Variants in ACOT11 observed in about 807,000 individuals in gnomAD.
ACOT11 encodes acyl-coenzyme A thioesterase 11.
ACOT11 carries 69 observed loss-of-function variants against 77.5 expected under a neutral mutation model. The ratio of observed to expected loss-of-function variants is 0.89; its 90% CI spans 0.73 to 1.09. ACOT11 has a LOEUF of 1.09. Ranked by LOEUF, ACOT11 falls within the 50% of genes least tolerant of loss-of-function variation. ACOT11 has a pLI of 0.00. For missense variants in ACOT11, 766 were observed against 813.7 expected (o/e 0.94, Z 0.71); for synonymous variants, 279 against 313.0 (o/e 0.89, Z 1.15).
chr1:54,554,311 G>GTA lies in ACOT11; in HGVS notation c.33+5970_33+5971insAT, dbSNP rs1391150997. 6.1e-3 allele frequency among the ~76,000 whole-genome samples: 449 copies of GTA among 73,058 alleles called. 16 individuals are homozygous for GTA. The highest frequency in any genetic ancestry group is 8.5e-3 in the African/African-American group (176 of 20,826). 47.9% of individuals were successfully genotyped at this position (73,058 alleles called of 152,430 possible). A position where few individuals can be genotyped will look rare whatever the true frequency, so the allele number is the denominator to read the frequency against. On this transcript the variant is annotated intron_variant, in intron 1 of 15. Transcript: ENST00000343744. ...CCATAGTGTGTGTGTGTGTGTGTGT[G>GTA]TGTGTGTGTGTGTGTGTGTGTGTAT...
At chr1:54,614,964 G>GCACACGCACA, downstream of ACOT11, 1 of 1,182,530 alleles carries the variant, frequency 8.5e-7, no homozygotes, top group Non-Finnish European at 1.2e-6. Flanking sequence ...GCATGTGCGT[G>GCACACGCACA]CACAGTGGAG....
At chr1:54,549,977 CAAT>C (rs1382690515) in intron 1 of ACOT11, among the ~76,000 whole-genome samples, 1 of 152,182 alleles carries the variant, frequency 6.6e-6, no homozygotes, top group Non-Finnish European at 1.5e-5. Context: ...ACAGAGATAA[CAAT>C]AGTAACAAAT....
chr1:54,633,504 C>A (rs902006203), intron 16 of ACOT11, among the ~76,000 whole-genome samples: 8 of 152,156 alleles, frequency 5.3e-5, no homozygotes, highest in African/African-American at 1.7e-4. Context: ...ATACCTTTAG[C>A]TGAGCAAGAC....
rs1450603994 is a variant in ACOT11 at position 54,584,940 on chromosome 1, GT to G, written c.241+79del. The G allele has an allele frequency of 1.4e-6, 2 of 1,433,734 alleles. No individual in the cohort carries two copies. The highest frequency in any genetic ancestry group is 1.9e-6 in the Non-Finnish European group (2 of 1,059,076). 88.8% of individuals were successfully genotyped at this position (1,433,734 alleles called of 1,614,324 possible). A position where few individuals can be genotyped will look rare whatever the true frequency, so the allele number is the denominator to read the frequency against. On this transcript the variant is annotated intron_variant, in intron 2 of 15. Transcript: ENST00000343744. This position sits in a 1 kb window ranked among gnomAD's most constrained non-coding sequence, Gnocchi z 6.3. ...GGCCGTGCTTTCAGAGATGGTCACC[GT>G]CCACCCTAAGTGCCACACTTGTTTC...
At chr1:54,582,265 C>G (rs1205397942) in intron 1 of ACOT11, among the ~76,000 whole-genome samples, 1 of 152,146 alleles carries the variant, frequency 6.6e-6, no homozygotes, top group African/African-American at 2.4e-5. Flanking sequence ...ACAGATGTGG[C>G]TTGGGAAGGG....
chr1:54,620,012 A>AC lies in ACOT11; in HGVS notation c.1630-10722_1630-10721insC, dbSNP rs1327631086. ...TGCAGGCCTCCAGCTCACAGCCTGGAAGGAATCCCAAGGGGCTGTTAGCGT... is the reference window on the plus strand; with the variant it reads ...TGCAGGCCTCCAGCTCACAGCCTGGACAGGAATCCCAAGGGGCTGTTAGCGT... On this transcript the variant is annotated intron_variant, in intron 15 of 16. Coordinates refer to the ACOT11 transcript ENST00000371316. 6.2e-6 allele frequency: 7 copies of AC among 1,128,318 alleles called. No homozygotes were observed. In the South Asian group the frequency reaches 7.4e-5, roughly 12 times the overall value. 69.9% of individuals were successfully genotyped at this position (1,128,318 alleles called of 1,614,324 possible).
chr1:54,568,860 C>A (rs941161845), intron 1 of ACOT11, among the ~76,000 whole-genome samples: 1 of 152,132 alleles, frequency 6.6e-6, no homozygotes, highest in African/African-American at 2.4e-5. Flanking sequence ...GATCCTCCCA[C>A]CTCAGCCTTC....
At chr1:54,562,852 G>T (rs1422994303) in intron 1 of ACOT11, among the ~76,000 whole-genome samples, 1 of 122,614 alleles carries the variant, frequency 8.2e-6, no homozygotes, top group Admixed American at 7.7e-5. Flanking sequence ...ATGTGATGGC[G>T]GCTGGGAAGA....
chr1:54,610,320 G>T lies in ACOT11; in HGVS notation c.*1208G>T. The T allele has an allele frequency of 1.3e-6, 2 of 1,549,486 alleles. No individual in the cohort carries two copies. Among genetic ancestry groups the T allele is most frequent in the Non-Finnish European group, 1.7e-6 (2 of 1,149,304 alleles). ...GGTATGGTGTAAATAAACCTGTGTT[G>T]CCATGGCAACAGAGACCGGCGGTAC... On this transcript the variant is annotated 3_prime_UTR_variant, in exon 16 of 16. Coordinates refer to ENST00000343744, the MANE Select transcript of ACOT11 (RefSeq NM_147161.4).
At chr1:54,570,932 C>T (rs142838126) in intron 1 of ACOT11, among the ~76,000 whole-genome samples, 7 of 152,284 alleles carry the variant, frequency 4.6e-5, no homozygotes, top group African/African-American at 1.7e-4. Context: ...ATCTGCCTGC[C>T]TCGGCCTCCC....
At chr1:54,594,988 A>G (rs931151950) in intron 6 of ACOT11, among the ~76,000 whole-genome samples, 3 of 152,222 alleles carry the variant, frequency 2.0e-5, no homozygotes, top group South Asian at 2.1e-4. Context: ...GGAAGATAGT[A>G]TTGAGCTATA....
intron 1 of ACOT11, among the ~76,000 whole-genome samples, chr1:54,571,208 G>A (rs572611551): frequency 6.6e-6 from 1 of 152,176 alleles, no homozygotes; most frequent in East Asian, 1.9e-4. Context: ...GGGTTATCTA[G>A]CCAGACAGTC....
At chr1:54,579,185 G>A (rs978011285) in intron 1 of ACOT11, among the ~76,000 whole-genome samples, 4 of 152,212 alleles carry the variant, frequency 2.6e-5, no homozygotes, top group South Asian at 4.2e-4. Flanking sequence ...CTTTGAGGAC[G>A]TATGCTCCCT....
chr1:54,586,979 G>A (rs2100981800), intron 3 of ACOT11, among the ~76,000 whole-genome samples: 1 of 152,210 alleles, frequency 6.6e-6, no homozygotes, highest in African/African-American at 2.4e-5. Flanking sequence ...GGACTCACTG[G>A]GTGCTCAGTG....
chr1:54,609,825 G>A lies in ACOT11; in HGVS notation c.*713G>A, dbSNP rs1644094158. 1 of 1,614,070 alleles carries A rather than the reference G, an allele frequency of 6.2e-7. No individual in the cohort carries two copies. The highest frequency in any genetic ancestry group is 1.3e-5 in the African/African-American group (1 of 74,956). Reference sequence around the variant, plus strand: ...CAGTGTCCGGGATGTGTGGCCAGCTGCTGCAGGCAGGACTCCAGCGTCAGG... The same window carrying A: ...CAGTGTCCGGGATGTGTGGCCAGCTACTGCAGGCAGGACTCCAGCGTCAGG... On this transcript the variant is annotated 3_prime_UTR_variant, in exon 16 of 16. Transcript: ENST00000343744.
At chr1:54,562,603 T>C (rs1653572213) in intron 1 of ACOT11, among the ~76,000 whole-genome samples, 2 of 146,636 alleles carry the variant, frequency 1.4e-5, no homozygotes, top group Admixed American at 1.3e-4. Context: ...GCTCCTCACT[T>C]CTCAGATGGG....
chr1:54,564,214 T>C (rs1653655537), intron 1 of ACOT11, among the ~76,000 whole-genome samples: 1 of 152,008 alleles, frequency 6.6e-6, no homozygotes, highest in South Asian at 2.1e-4. Flanking sequence ...CACTCCAACC[T>C]GGGTGACAGA....
In ACOT11 at chr1:54,607,515, A is replaced by G. The variant is rs116060732; in HGVS notation, c.1502+250A>G. Among the ~76,000 whole-genome samples the G allele has an allele frequency of 1.3e-5, 2 of 152,154 alleles. No individual in the cohort carries two copies. The highest frequency in any genetic ancestry group is 4.8e-5 in the African/African-American group (2 of 41,434). On this transcript the variant is annotated intron_variant, in intron 14 of 15. Transcript: ENST00000343744. This position sits in a 1 kb window ranked among gnomAD's most constrained non-coding sequence, Gnocchi z 4.5. ...GGGCCACCCTTACCCAGGGTGGCTC[A>G]GGCTGCCTCGATGCAGGCCTTGGGC...
At chr1:54,610,920 G>A, downstream of ACOT11, 1 of 985,368 alleles carries the variant, frequency 1.0e-6, no homozygotes, top group Non-Finnish European at 1.2e-6. Context: ...TGAGGGGTTT[G>A]GATAGTGGCA....
Sources: allele counts gnomAD v4.1 joint callset (sites outside exome capture counted in the v4.1 genomes callset), GRCh38; gene constraint gnomAD v4.1.1; non-coding constraint Gnocchi (gnomAD v3.1); transcripts MANE v1.5; gene names NCBI Gene and HGNC (gene_info 2026-07-23, HGNC 2026-07-21).